FYN: variants seen among roughly 807,000 people sequenced by gnomAD.
FYN encodes the protein tyrosine-protein kinase Fyn.
In FYN, 10 loss-of-function variants were observed where a neutral mutation model predicts 70.2. That is an observed-to-expected ratio of 0.14 (90% CI 0.09 to 0.24). The LOEUF (loss-of-function observed/expected upper bound fraction) is 0.24. Ranked by LOEUF, FYN falls within the 10% of genes least tolerant of loss-of-function variation. The probability of loss-of-function intolerance (pLI) is 1.00; values close to 1 mark genes in which losing one functional copy is unlikely to be tolerated. For missense variants in FYN, 319 were observed against 673.1 expected, an observed-to-expected ratio of 0.47 and a Z score of 5.82; for synonymous variants, 236 against 248.6, an observed-to-expected ratio of 0.95 and a Z score of 0.48.
chr6:111,716,253 T>A (rs1013542238), intron 4 of FYN, among the ~76,000 whole-genome samples: 1 of 152,234 alleles, frequency 6.6e-6, no homozygotes, highest in Non-Finnish European at 1.5e-5. Context: ...TTCTTTTGAG[T>A]ATTTTTTAGT....
intron 12 of FYN, among the ~76,000 whole-genome samples, chr6:111,678,153 G>A (rs1451655208): frequency 1.4e-5 from 2 of 139,142 alleles, no homozygotes; most frequent in African/African-American, 2.8e-5. Flanking sequence ...TGTGTGTGGT[G>A]TGTGTACTTG....
chr6:111,673,624 T>TTTTTTTTTTG (rs1798402693), intron 13 of FYN, among the ~76,000 whole-genome samples: 1 of 87,646 alleles, frequency 1.1e-5, no homozygotes, highest in Non-Finnish European at 2.0e-5. Flanking sequence ...CTATCATTGT[T>TTTTTTTTTTG]TTTTTTTTTT....
intron 3 of FYN, among the ~76,000 whole-genome samples, chr6:111,725,175 A>G (rs896726052): frequency 1.3e-5 from 2 of 152,294 alleles, no homozygotes; most frequent in East Asian, 1.9e-4. Flanking sequence ...ATAAGAATCT[A>G]CTTGGGGACT....
chr6:111,765,160 G>A (rs1019868225), intron 3 of FYN, among the ~76,000 whole-genome samples: 1 of 152,014 alleles, frequency 6.6e-6, no homozygotes, highest in Non-Finnish European at 1.5e-5. Context: ...GTGCACACAT[G>A]AGCACACACA....
rs1208896781 is a variant in FYN at position 111,696,189 on chromosome 6, A to G, written c.1042+88T>C. 6.0e-6 allele frequency: 7 copies of G among 1,173,354 alleles called. No homozygotes were observed. In the African/African-American group the frequency reaches 7.8e-5, roughly 13 times the overall value. 72.7% of individuals were successfully genotyped at this position (1,173,354 alleles called of 1,614,324 possible). On this transcript the variant is annotated intron_variant, in intron 10 of 13. Coordinates refer to ENST00000354650, the MANE Select transcript of FYN (RefSeq NM_002037.5). The stretch of plus-strand genomic sequence containing the variant: ...ATACTTGACCCAGGCAGAAACTAGA[A>G]AAGTAGCAAGTAGGAAACTTCCATT...
At chr6:111,850,069 A>G (rs973771028) in intron 1 of FYN, among the ~76,000 whole-genome samples, 1 of 152,206 alleles carries the variant, frequency 6.6e-6, no homozygotes, top group African/African-American at 2.4e-5. Context: ...ATGGAGATCC[A>G]AACTGGAGAT....
chr6:111,725,114 T>C (rs191098137), intron 3 of FYN, among the ~76,000 whole-genome samples: 3 of 152,326 alleles, frequency 2.0e-5, no homozygotes, highest in Non-Finnish European at 2.9e-5. Context: ...GACTTCAGGA[T>C]AGAAGATTCA....
chr6:111,678,960 C>T (rs929425039), intron 12 of FYN, among the ~76,000 whole-genome samples: 3 of 152,194 alleles, frequency 2.0e-5, no homozygotes, highest in Admixed American at 1.3e-4. Context: ...CTAGTCCTCG[C>T]TTGCTCAGCA....
At chr6:111,777,300 G>A (rs1481492610) in intron 3 of FYN, among the ~76,000 whole-genome samples, 1 of 151,946 alleles carries the variant, frequency 6.6e-6, no homozygotes, top group African/African-American at 2.4e-5. Flanking sequence ...ATGATTTTCT[G>A]AACGAATTTA....
chr6:111,846,927 CACACAAACACAA>C (rs565554790), intron 1 of FYN, among the ~76,000 whole-genome samples: 4 of 152,190 alleles, frequency 2.6e-5, no homozygotes, highest in African/African-American at 9.7e-5. Flanking sequence ...TACACACACA[CACACAAACACAA>C]ACACAAACAC....
At chr6:111,759,730 T>C (rs751408240) in intron 3 of FYN, 1 of 152,260 alleles carries the variant, frequency 6.6e-6, no homozygotes, top group Non-Finnish European at 1.5e-5. Context: ...CACTGTTGTA[T>C]GTCTTGTCTC....
At chr6:111,696,148 G>C in intron 10 of FYN, 129 bp downstream of exon 10, 1 of 742,430 alleles carries the variant, frequency 1.3e-6, no homozygotes, top group Non-Finnish European at 2.1e-6. Flanking sequence ...CACATAACTG[G>C]TGGTTCCTAA....
chr6:111,683,327 G>A (rs953752662), intron 12 of FYN, among the ~76,000 whole-genome samples: 1 of 152,264 alleles, frequency 6.6e-6, no homozygotes, highest in Non-Finnish European at 1.5e-5. Flanking sequence ...GCGGTGGGGA[G>A]GGTCACGGCA....
intron 2 of FYN, among the ~76,000 whole-genome samples, chr6:111,828,276 G>A (rs945882740): frequency 7.2e-5 from 11 of 152,124 alleles, no homozygotes; most frequent in Admixed American, 4.6e-4. Flanking sequence ...GATACCCAAA[G>A]GTGTGATGTG....
chr6:111,847,092 T>A (rs1374039037), intron 1 of FYN, among the ~76,000 whole-genome samples: 1 of 152,212 alleles, frequency 6.6e-6, no homozygotes, highest in East Asian at 1.9e-4. Flanking sequence ...CCTATCTGAC[T>A]GTGGGTGGGC....
At chr6:111,719,004 T>A (rs1800803841) in intron 4 of FYN, among the ~76,000 whole-genome samples, 1 of 152,184 alleles carries the variant, frequency 6.6e-6, no homozygotes, top group Non-Finnish European at 1.5e-5. Context: ...GGCTGAGAGA[T>A]ACTGGATTCT....
chr6:111,829,675 A>T (rs993354577), intron 2 of FYN, among the ~76,000 whole-genome samples: 14 of 152,222 alleles, frequency 9.2e-5, no homozygotes, highest in Non-Finnish European at 2.9e-5. Context: ...GACCTTAGAC[A>T]AGTTATTTAG....
intron 13 of FYN, among the ~76,000 whole-genome samples, chr6:111,673,470 A>T (rs568742305): frequency 6.6e-6 from 1 of 152,162 alleles, no homozygotes; most frequent in Non-Finnish European, 1.5e-5. Context: ...GTGTTCTCTG[A>T]AGATGACCAG....
chr6:111,712,792 C>T lies in FYN; in HGVS notation c.344+1555G>A, dbSNP rs1324918269. ...GGACTCCTGGGGGGCAGGTAACACT[C>T]TTCTTGACCTGGCTGGTGGCCACAC... On this transcript the variant is annotated intron_variant, in intron 5 of 13. Transcript: ENST00000354650. Among the ~76,000 whole-genome samples, 12 of 152,310 alleles carry T rather than the reference C, an allele frequency of 7.9e-5. No individual in the cohort carries two copies. In the East Asian group the frequency reaches 1.2e-3, roughly 15 times the overall value.
Sources: allele counts gnomAD v4.1 joint callset (sites outside exome capture counted in the v4.1 genomes callset), GRCh38; gene constraint gnomAD v4.1.1; transcripts MANE v1.5; gene names NCBI Gene and HGNC (gene_info 2026-07-23, HGNC 2026-07-21).